The following CNTN6 variants were observed in gnomAD, a reference collection of about 807,000 sequenced individuals.
CNTN6 encodes the protein contactin 6.
Under a neutral mutation model 122.8 loss-of-function variants are expected in CNTN6, and 137 were observed. The ratio of observed to expected loss-of-function variants is 1.12; its 90% CI spans 0.97 to 1.29. The LOEUF is 1.29. Ranked by LOEUF, CNTN6 falls within the 50% of genes most tolerant of loss-of-function variation. The pLI, the probability that CNTN6 is intolerant of heterozygous loss-of-function variation, is 0.00. For missense variants in CNTN6, 1,634 were observed against 1,223.4 expected (o/e 1.34, Z -5.01); for synonymous variants, 570 against 426.0 (o/e 1.34, Z -4.16).
chr3:1,390,515 G>GCAAA (rs1396397390), intron 20 of CNTN6, among the ~76,000 whole-genome samples: 1 of 151,760 alleles, frequency 6.6e-6, no homozygotes, highest in Non-Finnish European at 1.5e-5. Context: ...AAAAGCAAGA[G>GCAAA]CAAACACATT....
rs367985838 is a variant in CNTN6 at position 1,122,397 on chromosome 3, A to T, written c.-82-25530A>T. On this transcript the variant is annotated intron_variant, in intron 1 of 22. Coordinates refer to ENST00000446702, the MANE Select transcript of CNTN6 (RefSeq NM_001289080.2). ...AAGGAAGGGAGGAATGAAGGAGGAA[A>T]GAAGGGGTTCTCAACCAGCGGTGAT... Among the ~76,000 whole-genome samples the T allele has an allele frequency of 3.2e-4, 42 of 132,486 alleles. 3 individuals are homozygous for T. The highest frequency in any genetic ancestry group is 1.1e-3 in the African/African-American group (41 of 36,128). 86.9% of individuals were successfully genotyped at this position (132,486 alleles called of 152,430 possible). A position where few individuals can be genotyped will look rare whatever the true frequency, so the allele number is the denominator to read the frequency against.
At chr3:1,126,795 T>A (rs1183082057) in intron 1 of CNTN6, among the ~76,000 whole-genome samples, 1 of 151,838 alleles carries the variant, frequency 6.6e-6, no homozygotes. Flanking sequence ...TTACTTCCTG[T>A]GTCCCTTCAA....
At position 1,171,158 on chromosome 3, in the gene CNTN6, T is replaced by A. The variant is rs140568816; in HGVS notation, c.55+23095T>A. 3.6e-3 allele frequency among the ~76,000 whole-genome samples: 543 copies of A among 152,306 alleles called. 4 individuals are homozygous for A. Among genetic ancestry groups the A allele is most frequent in the African/African-American group, 0.012 (508 of 41,554 alleles). ...ATTCTTTGATCCCTGGGCTTAAATG[T>A]CTACTTCTTAATGCTATGAGCTAAA... On this transcript the variant is annotated intron_variant, in intron 2 of 22. Transcript: ENST00000446702.
chr3:1,274,251 T>C (rs1480746305), intron 4 of CNTN6, among the ~76,000 whole-genome samples: 1 of 152,202 alleles, frequency 6.6e-6, no homozygotes, highest in African/African-American at 2.4e-5. Flanking sequence ...CATAGAGGAC[T>C]CCCAAGTCAA....
chr3:1,251,240 G>A (rs1194053846), intron 4 of CNTN6, among the ~76,000 whole-genome samples: 1 of 152,028 alleles, frequency 6.6e-6, no homozygotes, highest in Non-Finnish European at 1.5e-5. Flanking sequence ...ACTCTTTTAA[G>A]ACTTTGTCAA....
In CNTN6 at chr3:1,250,969, C is replaced by T. The variant is rs144619920; in HGVS notation, c.358+22976C>T. Among the ~76,000 whole-genome samples, 11 of 152,188 alleles carry T rather than the reference C, an allele frequency of 7.2e-5. No homozygotes were observed. The East Asian group carries it at 2.1e-3, about 30-fold the overall frequency. On this transcript the variant is annotated intron_variant, in intron 4 of 22. Coordinates refer to ENST00000446702, the MANE Select transcript of CNTN6 (RefSeq NM_001289080.2). Reference sequence around the variant, plus strand: ...TAATTCCTTTGCCATTAAAATCATGCCATTAGCCCGCACTACTCATAACTT... The same window carrying T: ...TAATTCCTTTGCCATTAAAATCATGTCATTAGCCCGCACTACTCATAACTT...
rs370061000 is a variant in CNTN6 at position 1,146,448 on chromosome 3, T to G, written c.-82-1479T>G. On this transcript the variant is annotated intron_variant, in intron 1 of 22. Coordinates refer to ENST00000446702, the MANE Select transcript of CNTN6 (RefSeq NM_001289080.2). ...CTACAGCTCTGCTGTTTTCATCCCA[T>G]GTACACACACTCTTTGCCTGGCAAA... 1.4e-3 allele frequency among the ~76,000 whole-genome samples: 209 copies of G among 152,194 alleles called. 1 individual carries two copies. The highest frequency in any genetic ancestry group is 4.9e-3 in the African/African-American group (202 of 41,516).
chr3:1,170,556 TA>T (rs1345426093), intron 2 of CNTN6, among the ~76,000 whole-genome samples: 1 of 152,182 alleles, frequency 6.6e-6, no homozygotes, highest in Admixed American at 6.5e-5. Context: ...TAAATAAGAA[TA>T]ACCAAAGTGA....
intron 20 of CNTN6, among the ~76,000 whole-genome samples, chr3:1,388,047 G>C (rs1330403608): frequency 4.1e-5 from 6 of 148,084 alleles, no homozygotes; most frequent in African/African-American, 1.6e-4. Flanking sequence ...GCTCCAACTG[G>C]GTGGAGCCCA....
intron 12 of CNTN6, among the ~76,000 whole-genome samples, chr3:1,360,548 C>T (rs1048951847): frequency 2.0e-5 from 3 of 152,056 alleles, no homozygotes; most frequent in African/African-American, 7.2e-5. Context: ...TATAAACATA[C>T]ATGTATATTC....
intron 1 of CNTN6, among the ~76,000 whole-genome samples, chr3:1,096,694 C>T (rs756892969): frequency 6.6e-6 from 1 of 152,152 alleles, no homozygotes; most frequent in South Asian, 2.1e-4. Context: ...GCAATTTCCT[C>T]AGCTGGCAGG....
Position 1,161,167 on chromosome 3 carries a change from C to T in CNTN6, c.55+13104C>T, listed in dbSNP as rs1484147451. 2.0e-5 allele frequency among the ~76,000 whole-genome samples: 3 copies of T among 146,924 alleles called. No homozygotes were observed. The East Asian group carries it at 6.1e-4, about 30-fold the overall frequency. On this transcript the variant is annotated intron_variant, in intron 2 of 22. Coordinates refer to ENST00000446702, the MANE Select transcript of CNTN6 (RefSeq NM_001289080.2). ...AGCAGGTCCTCACTTAGTGTTGATGCTGAAAGAGTTTCAGTAATGGATATA... is the reference window on the plus strand; with the variant it reads ...AGCAGGTCCTCACTTAGTGTTGATGTTGAAAGAGTTTCAGTAATGGATATA...
intron 2 of CNTN6, among the ~76,000 whole-genome samples, chr3:1,193,318 G>C (rs116714282): frequency 0.012 from 1,868 of 152,152 alleles, 26 homozygotes; most frequent in Non-Finnish European, 0.019. Context: ...TTATGTCTTG[G>C]CACTGAAGAA....
chr3:1,124,383 C>T (rs1030046201), intron 1 of CNTN6, among the ~76,000 whole-genome samples: 4 of 151,890 alleles, frequency 2.6e-5, no homozygotes, highest in Non-Finnish European at 5.9e-5. Context: ...AAACACATAA[C>T]TTTGTGTTTC....
intron 3 of CNTN6, among the ~76,000 whole-genome samples, chr3:1,222,319 A>T (rs906874731): frequency 3.3e-5 from 5 of 152,302 alleles, no homozygotes; most frequent in African/African-American, 1.2e-4. Flanking sequence ...AATTTGATTA[A>T]TACATTTAGT....
chr3:1,100,735 AAC>A (rs796343031), intron 1 of CNTN6, among the ~76,000 whole-genome samples: 24 of 152,202 alleles, frequency 1.6e-4, no homozygotes, highest in South Asian at 4.1e-4. Flanking sequence ...TTTTTTAAAA[AAC>A]AGTTTTAATT....
intron 12 of CNTN6, among the ~76,000 whole-genome samples, chr3:1,358,754 T>C (rs535799359): frequency 2.6e-5 from 4 of 152,042 alleles, no homozygotes; most frequent in African/African-American, 7.2e-5. Flanking sequence ...ACAGGCACAA[T>C]AAAAATTTCT....
chr3:1,304,716 G>A (rs1002254744), intron 7 of CNTN6, among the ~76,000 whole-genome samples: 10 of 151,938 alleles, frequency 6.6e-5, no homozygotes, highest in Non-Finnish European at 1.2e-4. Flanking sequence ...ACCCTTGGCC[G>A]GGCGCAGTGG....
chr3:1,129,899 T>G lies in CNTN6; in HGVS notation c.-82-18028T>G, dbSNP rs553134447. 7.2e-5 allele frequency among the ~76,000 whole-genome samples: 11 copies of G among 152,202 alleles called. No individual in the cohort carries two copies. In the South Asian group the frequency reaches 1.9e-3, roughly 26 times the overall value. ...CATTTGTATAAAATAGTTTGTTTTT[T>G]AAAAACAGTTTTTCAAGACTTTTAT... On this transcript the variant is annotated intron_variant, in intron 1 of 22. Transcript: ENST00000446702.
Sources: allele counts gnomAD v4.1 joint callset (sites outside exome capture counted in the v4.1 genomes callset), GRCh38; gene constraint gnomAD v4.1.1; transcripts MANE v1.5; gene names NCBI Gene and HGNC (gene_info 2026-07-23, HGNC 2026-07-21).